Variants in TRPM3 observed in about 807,000 individuals in gnomAD.
TRPM3 encodes long transient receptor potential channel 3.
Under a neutral mutation model 181.2 loss-of-function variants are expected in TRPM3, and 77 were observed. That is an observed-to-expected ratio of 0.42 (90% CI 0.35 to 0.51). TRPM3 has a LOEUF of 0.51. Among genes scored for constraint, TRPM3 ranks in the 20% least tolerant of loss-of-function variants. The pLI is 0.01. For missense variants in TRPM3, 1,759 were observed against 2,196.7 expected (o/e 0.80, Z 3.98); for synonymous variants, 745 against 796.4 (o/e 0.94, Z 1.09).
intron 9 of TRPM3, among the ~76,000 whole-genome samples, chr9:70,664,636 G>GGAT: frequency 7.9e-6 from 1 of 127,136 alleles, no homozygotes; most frequent in Admixed American, 8.5e-5. Flanking sequence ...CCGATTAGGA[G>GGAT]AGTAGTTTTT....
chr9:71,131,052 A>G (rs183445652), intron 1 of TRPM3, among the ~76,000 whole-genome samples: 189 of 152,334 alleles, frequency 1.2e-3, no homozygotes, highest in African/African-American at 4.4e-3. Flanking sequence ...AGTTCTCTCC[A>G]TGGAGTTAAG....
At chr9:70,587,418 C>T (rs2057330029) in intron 22 of TRPM3, among the ~76,000 whole-genome samples, 1 of 152,150 alleles carries the variant, frequency 6.6e-6, no homozygotes, top group Admixed American at 6.5e-5. Context: ...ATGAAAGTCG[C>T]ATTCATTCAG....
At chr9:71,095,803 GAA>G (rs561171939) in intron 1 of TRPM3, among the ~76,000 whole-genome samples, 225 of 148,330 alleles carry the variant, frequency 1.5e-3, no homozygotes, top group Non-Finnish European at 2.3e-3. Flanking sequence ...AAAAAAGAGA[GAA>G]AGAGAGAGAG....
chr9:71,445,664 C>T (rs1432551617), intron 1 of TRPM3, among the ~76,000 whole-genome samples: 1 of 152,152 alleles, frequency 6.6e-6, no homozygotes, highest in Non-Finnish European at 1.5e-5. Flanking sequence ...AAAAACAGAG[C>T]AGGGTAACAT....
intron 5 of TRPM3, among the ~76,000 whole-genome samples, chr9:70,841,656 ATATAT>A (rs1388515930): frequency 0.041 from 4,921 of 120,122 alleles, 188 homozygotes; most frequent in South Asian, 0.096. Context: ...ATATATATAT[ATATAT>A]CCCACCATAT....
chr9:71,165,597 G>A (rs568809999), intron 1 of TRPM3, among the ~76,000 whole-genome samples: 3 of 152,176 alleles, frequency 2.0e-5, no homozygotes, highest in South Asian at 2.1e-4. Context: ...AGTTTTCCAC[G>A]CACCAGTCTT....
At position 70,591,202 on chromosome 9, in the gene TRPM3, T is replaced by C. The variant is rs773026059; in HGVS notation, c.3052A>G (p.Ile1018Val). The change falls in exon 22 of 26, where the codon ATA becomes GTA. Residue 1018 changes from isoleucine to valine, a missense_variant. Ile to Val is a conservative substitution (Grantham distance 29, BLOSUM62 3). This residue lies in a region of TRPM3 where 94 missense variants were observed against 221.3 expected (regional missense o/e 0.42). Transcript: ENST00000677713. ...PYVMMIGKMM[I>V]DMMYFVIIML... ...ATGATGACAAAGTACATCATGTCTA[T>C]CATCTGGAAGGGTGGGGAAGCAGAG... 2 of 1,613,798 alleles carry C rather than the reference T, an allele frequency of 1.2e-6. No individual in the cohort carries two copies. Among genetic ancestry groups the C allele is most frequent in the Non-Finnish European group, 1.7e-6 (2 of 1,179,798 alleles).
intron 2 of TRPM3, among the ~76,000 whole-genome samples, chr9:70,863,619 G>T (rs2095574183): frequency 6.6e-6 from 1 of 152,128 alleles, no homozygotes. Context: ...ATAAAAATCT[G>T]CAGGCTTAAG....
At chr9:70,853,889 T>C (rs978202631) in intron 3 of TRPM3, among the ~76,000 whole-genome samples, 9 of 152,226 alleles carry the variant, frequency 5.9e-5, no homozygotes, top group Non-Finnish European at 1.3e-4. Context: ...GGTACATGTT[T>C]TTGTAGATAA....
chr9:71,171,807 G>A (rs1331408156), intron 1 of TRPM3, among the ~76,000 whole-genome samples: 1 of 152,114 alleles, frequency 6.6e-6, no homozygotes, highest in African/African-American at 2.4e-5. Flanking sequence ...CTGCATCTGT[G>A]TTACGCGGCA....
At chr9:70,906,880 G>A (rs1034216638) in intron 1 of TRPM3, among the ~76,000 whole-genome samples, 5 of 152,066 alleles carry the variant, frequency 3.3e-5, no homozygotes, top group Non-Finnish European at 7.3e-5. Context: ...TCCAGCCTGG[G>A]CAACAAGAGT....
At chr9:70,748,753 C>T (rs1433948710) in intron 8 of TRPM3, among the ~76,000 whole-genome samples, 1 of 152,176 alleles carries the variant, frequency 6.6e-6, no homozygotes, top group African/African-American at 2.4e-5. Flanking sequence ...GCCTCCAGAA[C>T]TGTGAACAAT....
intron 1 of TRPM3, among the ~76,000 whole-genome samples, chr9:70,969,779 T>C (rs7029680): frequency 0.33 from 46,259 of 139,944 alleles, 8,304 homozygotes; most frequent in Middle Eastern, 0.42. Flanking sequence ...TATATATATA[T>C]ACACACACAC....
Position 70,624,530 on chromosome 9 carries a change from G to A in TRPM3, c.1809+661C>T, listed in dbSNP as rs116824147. 5.5e-3 allele frequency among the ~76,000 whole-genome samples: 837 copies of A among 152,106 alleles called. 7 individuals carry two copies. The highest frequency in any genetic ancestry group is 0.019 in the African/African-American group (786 of 41,474). On this transcript the variant is annotated intron_variant, in intron 14 of 25. Coordinates refer to ENST00000677713, the MANE Select transcript of TRPM3 (RefSeq NM_001366145.2). ...ACCTTGCAACTCATTTTTAAGAAAC[G>A]TTACTTATTAAATTTTGGTGTAGTA...
chr9:71,061,969 A>G (rs2061385053), intron 1 of TRPM3, among the ~76,000 whole-genome samples: 1 of 151,982 alleles, frequency 6.6e-6, no homozygotes, highest in Non-Finnish European at 1.5e-5. Flanking sequence ...CATAGTGACC[A>G]TGGAATCAAA....
Position 70,531,770 on chromosome 9 carries a change from C to G in TRPM3, c.*4183G>C, listed in dbSNP as rs1295062794. On this transcript the variant is annotated 3_prime_UTR_variant, in exon 26 of 26. Transcript: ENST00000677713. ...GTCATATAGTCTTTTGCATAACATG[C>G]CAGTTCATCTTTCACAAAATCACAA... 6.6e-6 allele frequency: 1 copy of G among 152,076 alleles called. No homozygotes were observed. Among genetic ancestry groups the G allele is most frequent in the Non-Finnish European group, 1.5e-5 (1 of 68,034 alleles). 9.4% of individuals were successfully genotyped at this position (152,076 alleles called of 1,614,324 possible). A position where few individuals can be genotyped will look rare whatever the true frequency, so the allele number is the denominator to read the frequency against.
Position 70,912,842 on chromosome 9 carries a change from T to C in TRPM3, c.178-48331A>G, listed in dbSNP as rs144624313. On this transcript the variant is annotated intron_variant, in intron 1 of 25. Coordinates refer to ENST00000677713, the MANE Select transcript of TRPM3 (RefSeq NM_001366145.2). ...CATTTACAATGCTATTGAGGTACAA[T>C]TGACATTCAATAAACTACACATATT... Among the ~76,000 whole-genome samples the C allele has an allele frequency of 6.0e-3, 920 of 152,300 alleles. 6 individuals carry two copies. The highest frequency in any genetic ancestry group is 0.019 in the African/African-American group (803 of 41,566).
At chr9:71,410,493 A>C (rs2093525972) in intron 1 of TRPM3, among the ~76,000 whole-genome samples, 1 of 152,202 alleles carries the variant, frequency 6.6e-6, no homozygotes, top group Non-Finnish European at 1.5e-5. Context: ...TATGCAAATA[A>C]ACTAGAAAAT....
chr9:70,777,430 C>T (rs1302535485), intron 7 of TRPM3, among the ~76,000 whole-genome samples: 2 of 152,082 alleles, frequency 1.3e-5, no homozygotes, highest in African/African-American at 2.4e-5. Context: ...ATGCTTCATT[C>T]TTCCCATGTT....
Sources: allele counts gnomAD v4.1 joint callset (sites outside exome capture counted in the v4.1 genomes callset), GRCh38; gene constraint gnomAD v4.1.1; regional missense constraint gnomAD v4.1.1; transcripts MANE v1.5; gene names NCBI Gene and HGNC (gene_info 2026-07-23, HGNC 2026-07-21).